The following STAU2 variants were observed in gnomAD, a reference collection of about 807,000 sequenced individuals.
The protein encoded by STAU2 is staufen double-stranded RNA binding protein 2, also known as double-stranded RNA-binding protein Staufen homolog 2.
A neutral mutation model predicts 65.9 loss-of-function variants in STAU2; 20 were observed. That is an observed-to-expected ratio of 0.30 (90% CI 0.21 to 0.44). The LOEUF is 0.44. STAU2 is among the 20% of genes least tolerant of loss of function. The pLI is 1.00. For missense variants in STAU2, 558 were observed against 683.9 expected (o/e 0.82, Z 2.05); for synonymous variants, 232 against 233.9 (o/e 0.99, Z 0.07).
intron 13 of STAU2, among the ~76,000 whole-genome samples, chr8:73,539,662 G>A (rs1806402606): frequency 6.6e-6 from 1 of 151,996 alleles, no homozygotes; most frequent in African/African-American, 2.4e-5. Flanking sequence ...GACCAATATG[G>A]TGAAACCCCA....
At chr8:73,546,691 A>G (rs761310784) in intron 13 of STAU2, among the ~76,000 whole-genome samples, 6 of 152,218 alleles carry the variant, frequency 3.9e-5, no homozygotes, top group Non-Finnish European at 7.3e-5. Context: ...TGAGAAGAGA[A>G]CAATACATAT....
intron 3 of STAU2, among the ~76,000 whole-genome samples, chr8:73,724,400 T>TA (rs1261745952): frequency 3.9e-5 from 6 of 152,154 alleles, no homozygotes; most frequent in Non-Finnish European, 7.4e-5. Context: ...GTCCCTGACT[T>TA]ACGATGGTTC....
chr8:73,423,024 C>G (rs919792885), intron 13 of STAU2, among the ~76,000 whole-genome samples: 16 of 152,250 alleles, frequency 1.1e-4, no homozygotes, highest in African/African-American at 3.9e-4. Context: ...TCTCACGTTA[C>G]TGAAACTACA....
intron 13 of STAU2, among the ~76,000 whole-genome samples, chr8:73,530,064 T>C (rs1805710337): frequency 6.6e-6 from 1 of 152,130 alleles, no homozygotes; most frequent in South Asian, 2.1e-4. Context: ...GATATTATCA[T>C]CTTGACTGCG....
chr8:73,609,264 T>C (rs1214696861), intron 9 of STAU2, among the ~76,000 whole-genome samples: 1 of 152,104 alleles, frequency 6.6e-6, no homozygotes, highest in Admixed American at 6.5e-5. Context: ...ACTTCACTGT[T>C]GCAATGGTTA....
At chr8:73,692,857 G>A (rs1207925208) in intron 4 of STAU2, among the ~76,000 whole-genome samples, 1 of 152,186 alleles carries the variant, frequency 6.6e-6, no homozygotes, top group Non-Finnish European at 1.5e-5. Context: ...CACATATTTA[G>A]TGTCAGAAAT....
At chr8:73,695,418 C>A (rs1563512781) in intron 4 of STAU2, among the ~76,000 whole-genome samples, 1 of 131,386 alleles carries the variant, frequency 7.6e-6, no homozygotes, top group East Asian at 2.3e-4. Context: ...GGATTCATTA[C>A]CTGCTGACCA....
chr8:73,718,051 C>T (rs1055459532), intron 3 of STAU2, among the ~76,000 whole-genome samples: 1 of 152,176 alleles, frequency 6.6e-6, no homozygotes, highest in African/African-American at 2.4e-5. Flanking sequence ...ATGTCAATGA[C>T]TGTTATGTGA....
rs1819119671 is a variant in STAU2, at chr8:73,688,645, CT to C, written c.274+8del. 6.2e-7 allele frequency: 1 copy of C among 1,613,874 alleles called. No homozygotes were observed. The highest frequency in any genetic ancestry group is 1.3e-5 in the African/African-American group (1 of 74,876). On this transcript the variant is annotated splice_region_variant and intron_variant, in intron 5 of 14. Transcript: ENST00000524300. The stretch of plus-strand genomic sequence containing the variant: ...GCAGACAACATAACAGAAGGAGTCA[CT>C]GCCATACCTGGGTTATTGTTAACAT...
chr8:73,500,503 A>G (rs1474873477), intron 13 of STAU2, among the ~76,000 whole-genome samples: 1 of 151,896 alleles, frequency 6.6e-6, no homozygotes, highest in Non-Finnish European at 1.5e-5. Flanking sequence ...ATTTTGTGGG[A>G]AACCTTTAAC....
upstream of STAU2, chr8:73,747,227 C>T (rs1057401287): frequency 3.7e-6 from 3 of 808,660 alleles, no homozygotes; most frequent in Non-Finnish European, 3.7e-6. Context: ...GCCCGGTCCG[C>T]AGTCTCCTCG....
intron 4 of STAU2, among the ~76,000 whole-genome samples, chr8:73,701,092 C>G (rs990915586): frequency 6.6e-6 from 1 of 152,024 alleles, no homozygotes; most frequent in Non-Finnish European, 1.5e-5. Context: ...AAACTAGACC[C>G]CTATCTCTTG....
At chr8:73,652,988 A>C (rs1816021462) in intron 6 of STAU2, 1 of 152,184 alleles carries the variant, frequency 6.6e-6, no homozygotes, top group African/African-American at 2.4e-5. Flanking sequence ...GGGACATCTT[A>C]GGGCGTAATT....
intron 6 of STAU2, among the ~76,000 whole-genome samples, chr8:73,624,394 A>C (rs1174317311): frequency 6.6e-6 from 1 of 152,194 alleles, no homozygotes; most frequent in Non-Finnish European, 1.5e-5. Context: ...ACTTGGAACC[A>C]ACATAAACTT....
intron 13 of STAU2, among the ~76,000 whole-genome samples, chr8:73,482,320 G>A (rs1034779128): frequency 1.3e-5 from 2 of 148,962 alleles, no homozygotes; most frequent in Admixed American, 6.8e-5. Flanking sequence ...AAAGAATAAA[G>A]AAAACAGAAA....
At chr8:73,579,581 A>C (rs766253674) in intron 12 of STAU2, among the ~76,000 whole-genome samples, 12 of 152,162 alleles carry the variant, frequency 7.9e-5, no homozygotes, top group African/African-American at 2.9e-4. Context: ...ATCTTTTTTT[A>C]AAAAAGTTAT....
chr8:73,487,526 G>A (rs184629187), intron 13 of STAU2, among the ~76,000 whole-genome samples: 9 of 152,156 alleles, frequency 5.9e-5, no homozygotes, highest in African/African-American at 2.2e-4. Context: ...CCTTCCATTT[G>A]ATAAAGAGGG....
At chr8:73,505,588 T>C (rs1479647167) in intron 13 of STAU2, among the ~76,000 whole-genome samples, 3 of 152,260 alleles carry the variant, frequency 2.0e-5, no homozygotes, top group South Asian at 2.1e-4. Context: ...CTAGTTCCCA[T>C]GGAGAGTCAG....
chr8:73,579,580 T>C (rs180729220), intron 12 of STAU2, among the ~76,000 whole-genome samples: 1 of 152,192 alleles, frequency 6.6e-6, no homozygotes, highest in East Asian at 1.9e-4. Context: ...GATCTTTTTT[T>C]AAAAAAGTTA....
Sources: gnomAD v4.1 joint callset for allele counts (sites outside exome capture counted in the v4.1 genomes callset) on GRCh38, gnomAD v4.1.1 for gene constraint, MANE v1.5 for transcripts, NCBI Gene and HGNC (gene_info 2026-07-23, HGNC 2026-07-21) for gene names.